CPXM2: variants seen among roughly 807,000 people sequenced by gnomAD.
The protein encoded by CPXM2 is carboxypeptidase X, M14 family member 2, also known as inactive carboxypeptidase-like protein X2.
A neutral mutation model predicts 86.1 loss-of-function variants in CPXM2; 66 were observed. That is an observed-to-expected ratio of 0.77 (90% confidence interval 0.63 to 0.94). CPXM2 has a LOEUF of 0.94. CPXM2 is among the 40% of genes least tolerant of loss of function. The probability of loss-of-function intolerance (pLI) is 0.00; values close to 1 mark genes in which losing one functional copy is unlikely to be tolerated. For missense variants in CPXM2, 948 were observed against 1,026.3 expected, an observed-to-expected ratio of 0.92 and a Z score of 1.04; for synonymous variants, 388 against 400.2, an observed-to-expected ratio of 0.97 and a Z score of 0.36.
At chr10:123,776,403 T>C (rs1296911450) in intron 7 of CPXM2, among the ~76,000 whole-genome samples, 2 of 152,250 alleles carry the variant, frequency 1.3e-5, no homozygotes, top group Admixed American at 1.3e-4. Flanking sequence ...CAGGCTCTGC[T>C]GCTTCACTCT....
intron 7 of CPXM2, among the ~76,000 whole-genome samples, chr10:123,776,337 T>C (rs1198191431): frequency 6.6e-6 from 1 of 152,230 alleles, no homozygotes; most frequent in African/African-American, 2.4e-5. Flanking sequence ...TTCAAGACTC[T>C]GTTTTCCCAA....
intron 2 of CPXM2, among the ~76,000 whole-genome samples, chr10:123,938,856 AC>A (rs1178177105): frequency 6.6e-6 from 1 of 152,074 alleles, no homozygotes; most frequent in Admixed American, 6.5e-5. Context: ...TGCAGGTGGG[AC>A]CCAGCCCAGG....
intron 9 of CPXM2, among the ~76,000 whole-genome samples, chr10:123,768,235 G>A (rs12761611): frequency 0.34 from 51,326 of 151,756 alleles, 9,710 homozygotes; most frequent in East Asian, 0.63. Flanking sequence ...AAAATTAGCT[G>A]GGCATGGTGG....
At position 123,871,411 on chromosome 10, in the gene CPXM2, C is replaced by T. The variant is rs77225696; in HGVS notation, c.404-8688G>A. ...TCTGCATCATCATGGAAAACTAACA[C>T]CATTCTTTATACGTTGCTTATAAGG... On this transcript the variant is annotated intron_variant, in intron 2 of 13. Transcript: ENST00000241305. Among the ~76,000 whole-genome samples the T allele has an allele frequency of 4.1e-3, 619 of 152,294 alleles. 6 individuals are homozygous for T. Among genetic ancestry groups the T allele is most frequent in the African/African-American group, 0.014 (598 of 41,540 alleles).
intron 13 of CPXM2, 134 bp from the exon 14 acceptor site, chr10:123,747,151 G>A: frequency 9.3e-7 from 1 of 1,074,682 alleles, no homozygotes; most frequent in South Asian, 1.5e-5. Flanking sequence ...AGCTCCTGCA[G>A]ATGCAAATTC....
intron 2 of CPXM2, among the ~76,000 whole-genome samples, chr10:123,936,735 T>C (rs377187460): frequency 6.6e-6 from 1 of 152,128 alleles, no homozygotes; most frequent in South Asian, 2.1e-4. Context: ...CACTCTCCCT[T>C]TGTCTCTCAC....
At chr10:123,921,527 G>A (rs1018575204) in intron 2 of CPXM2, among the ~76,000 whole-genome samples, 4 of 152,368 alleles carry the variant, frequency 2.6e-5, no homozygotes, top group African/African-American at 9.6e-5. Flanking sequence ...CCTAAGGGAT[G>A]TTCTGTGAAT....
At chr10:123,759,498 G>C (rs546570256) in intron 11 of CPXM2, among the ~76,000 whole-genome samples, 2 of 152,336 alleles carry the variant, frequency 1.3e-5, no homozygotes, top group Non-Finnish European at 2.9e-5. Context: ...GCTGCTGCCT[G>C]CCAGCCTTCC....
intron 2 of CPXM2, among the ~76,000 whole-genome samples, chr10:123,921,861 T>C (rs1945581803): frequency 6.6e-6 from 1 of 152,228 alleles, no homozygotes; most frequent in Non-Finnish European, 1.5e-5. Flanking sequence ...GAAAGATCCC[T>C]GGTTTACAAC....
intron 3 of CPXM2, among the ~76,000 whole-genome samples, chr10:123,847,141 G>A (rs1440524656): frequency 6.6e-6 from 1 of 152,180 alleles, no homozygotes; most frequent in Non-Finnish European, 1.5e-5. Context: ...ATAAAAATGG[G>A]TGATAGCCTC....
chr10:123,829,367 GA>G (rs201141230), intron 4 of CPXM2, among the ~76,000 whole-genome samples: 5 of 131,682 alleles, frequency 3.8e-5, no homozygotes, highest in Non-Finnish European at 7.7e-5. Flanking sequence ...AACCAACGTG[GA>G]AAAAAAATTT....
At chr10:123,777,813 A>G (rs1846833111) in intron 7 of CPXM2, 1 of 152,304 alleles carries the variant, frequency 6.6e-6, no homozygotes, top group Admixed American at 6.6e-5. Flanking sequence ...ATCCCCCATG[A>G]CTGTAAGGAC....
At chr10:123,751,405 C>T in intron 13 of CPXM2, 1 of 512,612 alleles carries the variant, frequency 2.0e-6, no homozygotes, top group Non-Finnish European at 2.5e-6. Context: ...TACCCTTTGC[C>T]CTTCCGAAGT....
chr10:123,876,249 T>C (rs1376711979), intron 2 of CPXM2, among the ~76,000 whole-genome samples: 1 of 152,336 alleles, frequency 6.6e-6, no homozygotes, highest in East Asian at 1.9e-4. Context: ...CTGTTCACCA[T>C]GATGCTGGCT....
At chr10:123,815,662 CAGGCA>C (rs1847799231) in intron 4 of CPXM2, among the ~76,000 whole-genome samples, 1 of 152,186 alleles carries the variant, frequency 6.6e-6, no homozygotes, top group African/African-American at 2.4e-5. Flanking sequence ...AGGCAATTGC[CAGGCA>C]AGGTGATGTT....
intron 2 of CPXM2, among the ~76,000 whole-genome samples, chr10:123,911,331 G>T (rs557573694): frequency 6.6e-6 from 1 of 152,104 alleles, no homozygotes; most frequent in African/African-American, 2.4e-5. Flanking sequence ...GATGGTCCAG[G>T]GGACAGGTCC....
At chr10:123,900,797 A>C (rs1245819006) in intron 2 of CPXM2, among the ~76,000 whole-genome samples, 2 of 152,266 alleles carry the variant, frequency 1.3e-5, no homozygotes, top group African/African-American at 2.4e-5. Flanking sequence ...CCAATAGAGA[A>C]TATTACATTA....
chr10:123,761,971 G>A lies in CPXM2; in HGVS notation c.1678C>T (p.Arg560Cys), dbSNP rs778892334. The change falls in exon 11 of 14, where the codon CGC becomes TGC. Residue 560 changes from arginine (R) to cysteine (C), a missense_variant. Coordinates refer to ENST00000241305, the MANE Select transcript of CPXM2 (RefSeq NM_198148.3). ...CTCCTCCGGGCGTCTGTCATGAGGC[G>A]GTGTGTGGAGGCATAGGAGTAGGCC... ...WLAYSYASTH[R>C]LMTDARRRVC... 3.2e-5 allele frequency: 51 copies of A among 1,613,692 alleles called. No individual in the cohort carries two copies. The highest frequency in any genetic ancestry group is 2.7e-4 in the East Asian group (12 of 44,876).
intron 6 of CPXM2, among the ~76,000 whole-genome samples, chr10:123,789,776 C>T (rs1847163226): frequency 6.6e-6 from 1 of 152,148 alleles, no homozygotes; most frequent in Admixed American, 6.5e-5. Context: ...CCCCTATTGG[C>T]TAGGGTTGGA....
Sources: gnomAD v4.1 joint callset for allele counts (sites outside exome capture counted in the v4.1 genomes callset) on GRCh38, gnomAD v4.1.1 for gene constraint, MANE v1.5 for transcripts, NCBI Gene and HGNC (gene_info 2026-07-23, HGNC 2026-07-21) for gene names.